CMYA5: variants seen among roughly 807,000 people sequenced by gnomAD.
CMYA5 encodes the protein cardiomyopathy-associated protein 5.
In CMYA5, 246 loss-of-function variants were observed where a neutral mutation model predicts 318.9. The observed-to-expected ratio is 0.77, with a 90% confidence interval of 0.70 to 0.86. The LOEUF is 0.86. CMYA5 is among the 40% of genes least tolerant of loss of function. CMYA5 has a pLI of 0.00. For synonymous variants in CMYA5, 1,641 were observed against 1,729.5 expected (o/e 0.95, Z 1.27); for missense variants, 4,589 against 4,678.2 (o/e 0.98, Z 0.56).
intron 1 of CMYA5, among the ~76,000 whole-genome samples, chr5:79,719,146 A>G (rs778834510): frequency 6.6e-6 from 1 of 152,176 alleles, no homozygotes; most frequent in Non-Finnish European, 1.5e-5. Flanking sequence ...AAACAAAGAT[A>G]TTGATGAAGA....
rs182795650 is a variant in CMYA5, at chr5:79,735,243, A to G, written c.6478A>G (p.Lys2160Glu). Reference sequence around the variant, plus strand: ...GACACAAAATCCACCTACACAACCAAAGGTGGCTAAGCCGGACCTTCCTGA... The same window carrying G: ...GACACAAAATCCACCTACACAACCAGAGGTGGCTAAGCCGGACCTTCCTGA... ...EVTQNPPTQP[K>E]VAKPDLPEEK... Residue 2160 changes from lysine (K) to glutamate (E), a missense_variant, in exon 2 of 13, where the codon AAG (lysine) becomes GAG (glutamate). Lys to Glu is a moderately conservative substitution (Grantham distance 56). Transcript: ENST00000446378. The G allele has an allele frequency of 9.7e-4, 1,573 of 1,613,722 alleles. 5 individuals carry two copies. In the Middle Eastern group the frequency reaches 0.011, roughly 11 times the overall value.
intron 5 of CMYA5, among the ~76,000 whole-genome samples, chr5:79,748,516 T>C (rs1393725277): frequency 7.9e-5 from 9 of 113,318 alleles, no homozygotes; most frequent in Admixed American, 4.0e-4. Context: ...TATCTATCTA[T>C]CTACCTATCT....
Position 79,736,625 on chromosome 5 carries a change from T to G in CMYA5, c.7860T>G (p.His2620Gln). ...REAKAVGTQPHPLEESKVLVE... is the reference protein window; with the variant it reads ...REAKAVGTQPQPLEESKVLVE... ...CAAAGGCAGTAGGAACCCAACCACA[T>G]CCTTTAGAAGAAAGTAAAGTTTTGG... The change falls in exon 2 of 13, where the codon CAT (histidine) becomes CAG (glutamine). Residue 2620 changes from histidine (H) to glutamine (Q), a missense_variant. His to Gln is a conservative substitution (Grantham distance 24). Transcript: ENST00000446378. The G allele has an allele frequency of 6.2e-7, 1 of 1,613,766 alleles. No homozygotes were observed. The highest frequency in any genetic ancestry group is 2.2e-5 in the East Asian group (1 of 44,878).
chr5:79,698,655 C>T (rs911198232), intron 1 of CMYA5, among the ~76,000 whole-genome samples: 6 of 152,238 alleles, frequency 3.9e-5, no homozygotes, highest in Non-Finnish European at 5.9e-5. Context: ...ACTGCCCTGC[C>T]ACATGGGCTT....
intron 1 of CMYA5, among the ~76,000 whole-genome samples, chr5:79,695,428 C>T (rs1197423471): frequency 6.6e-6 from 1 of 152,198 alleles, no homozygotes; most frequent in Non-Finnish European, 1.5e-5. Flanking sequence ...TTAGAGATAT[C>T]TTACATTATT....
At chr5:79,697,896 T>TG (rs780280066) in intron 1 of CMYA5, among the ~76,000 whole-genome samples, 21 of 152,204 alleles carry the variant, frequency 1.4e-4, no homozygotes, top group Admixed American at 2.6e-4. Flanking sequence ...ACTAGCATCT[T>TG]AGCAATATTA....
At position 79,730,596 on chromosome 5, in the gene CMYA5, C is replaced by T. The variant is rs373188852; in HGVS notation, c.1831C>T (p.Gln611Ter). Residue 611 changes from glutamine to a stop codon, truncating the protein, a stop_gained, in exon 2 of 13, where the codon CAA (glutamine) becomes TAA (stop). Coordinates refer to ENST00000446378, the MANE Select transcript of CMYA5 (RefSeq NM_153610.5). LOFTEE classifies it high-confidence loss of function. ...PQDLNHELQE[Q>*]EGEPVPPSNV... Reference sequence around the variant, plus strand: ...GGATTTGAACCATGAATTACAGGAGCAAGAAGGTGAGCCAGTTCCCCCATC... The same window carrying T: ...GGATTTGAACCATGAATTACAGGAGTAAGAAGGTGAGCCAGTTCCCCCATC... 16 of 1,613,904 alleles carry T rather than the reference C, an allele frequency of 9.9e-6. No homozygotes were observed. The highest frequency in any genetic ancestry group is 1.4e-5 in the Non-Finnish European group (16 of 1,179,894).
rs762447448 is a variant in CMYA5, at chr5:79,729,202, G to A, written c.437G>A (p.Arg146His). 8.1e-6 allele frequency: 13 copies of A among 1,612,792 alleles called. No homozygotes were observed. The highest frequency in any genetic ancestry group is 1.3e-5 in the African/African-American group (1 of 74,920). Residue 146 changes from arginine to histidine, a missense_variant, in exon 2 of 13, where the codon CGC (arginine) becomes CAC (histidine). By Grantham distance (29) the Arg-to-His change is conservative. Coordinates refer to ENST00000446378, the MANE Select transcript of CMYA5 (RefSeq NM_153610.5). ...TCAAAGCATGGTTCACCATCATTAC[G>A]CCGGAAAGGCAACAGAAAAAGAAAT... is the stretch of plus-strand genomic sequence containing the variant. ...HKSKHGSPSL[R>H]RKGNRKRNSF...
At chr5:79,772,734 TTAATG>T (rs1442042177) in intron 9 of CMYA5, among the ~76,000 whole-genome samples, 2 of 152,308 alleles carry the variant, frequency 1.3e-5, no homozygotes, top group East Asian at 3.9e-4. Context: ...CTTTGGTTCT[TTAATG>T]TAAGAGTTCA....
At chr5:79,742,989 A>G (rs535904768) in intron 2 of CMYA5, among the ~76,000 whole-genome samples, 8 of 152,122 alleles carry the variant, frequency 5.3e-5, no homozygotes, top group Non-Finnish European at 1.0e-4. Context: ...ATACCATATG[A>G]AGGCACACAG....
intron 9 of CMYA5, among the ~76,000 whole-genome samples, chr5:79,785,937 G>A (rs1206056161): frequency 2.0e-5 from 3 of 152,128 alleles, no homozygotes; most frequent in Non-Finnish European, 4.4e-5. Context: ...GAATAAAAGG[G>A]CCCAAGCTAG....
At chr5:79,770,016 T>A (rs1049674750) in intron 9 of CMYA5, among the ~76,000 whole-genome samples, 9 of 152,194 alleles carry the variant, frequency 5.9e-5, no homozygotes, top group African/African-American at 2.2e-4. Context: ...AGGAGGAATC[T>A]AGAGAGGCAG....
chr5:79,734,378 A>T lies in CMYA5; in HGVS notation c.5613A>T (p.Thr1871=), dbSNP rs1376096945. ...LPLEQSKSFM[T]TKPADVKETK... is the part of the protein sequence containing the mutation. ...TGGAACAATCAAAATCATTTATGAC[A>T]ACCAAGCCTGCGGATGTCAAAGAAA... Residue 1871 remains threonine, a synonymous_variant, in exon 2 of 13, where the codon ACA becomes ACT. Transcript: ENST00000446378. 6.2e-7 allele frequency: 1 copy of T among 1,613,814 alleles called. No homozygotes were observed. The highest frequency in any genetic ancestry group is 1.3e-5 in the African/African-American group (1 of 74,932).
chr5:79,752,451 G>A (rs1306212143), intron 5 of CMYA5, among the ~76,000 whole-genome samples: 1 of 152,142 alleles, frequency 6.6e-6, no homozygotes, highest in Admixed American at 6.5e-5. Context: ...TTTCTAACTA[G>A]AGGATATAGG....
chr5:79,743,791 G>T lies in CMYA5; in HGVS notation c.10639-36G>T. On this transcript the variant is annotated intron_variant, in intron 2 of 12. Transcript: ENST00000446378. Reference sequence around the variant, plus strand: ...ACTGGTTGAAGTTCTCTTCCTAAATGTCATATACTAAGGATATCTTAATTC... The same window carrying T: ...ACTGGTTGAAGTTCTCTTCCTAAATTTCATATACTAAGGATATCTTAATTC... 5 of 1,155,134 alleles carry T rather than the reference G, an allele frequency of 4.3e-6. No homozygotes were observed. The South Asian group carries it at 7.4e-5, about 17-fold the overall frequency. 71.6% of individuals were successfully genotyped at this position (1,155,134 alleles called of 1,614,324 possible).
chr5:79,750,301 G>A (rs1412205751), intron 5 of CMYA5, among the ~76,000 whole-genome samples: 3 of 145,882 alleles, frequency 2.1e-5, no homozygotes, highest in Admixed American at 1.4e-4. Flanking sequence ...CTTCCTTATG[G>A]TTTTCTGAGG....
Position 79,733,137 on chromosome 5 carries a change from T to G in CMYA5, c.4372T>G (p.Ser1458Ala), listed in dbSNP as rs758436507. The G allele has an allele frequency of 6.2e-7, 1 of 1,613,832 alleles. No homozygotes were observed. The highest frequency in any genetic ancestry group is 1.1e-5 in the South Asian group (1 of 91,070). Residue 1458 changes from serine (S) to alanine (A), a missense_variant, in exon 2 of 13, where the codon TCT becomes GCT. Around this residue, in one of 3 missense-constraint regions of CMYA5, gnomAD observed 2,132 missense variants for 2,131.3 expected, o/e 1.00. Transcript: ENST00000446378. Reference sequence around the variant, plus strand: ...AAGTGTCTCCTCTATAGCAGAGCATTCTGTTTTGTCAGAAGTAGAAGCCAA... The same window carrying G: ...AAGTGTCTCCTCTATAGCAGAGCATGCTGTTTTGTCAGAAGTAGAAGCCAA... ...LPSVSSIAEH[S>A]VLSEVEAKEV...
chr5:79,722,183 A>C (rs1231140193), intron 1 of CMYA5, among the ~76,000 whole-genome samples: 3 of 152,262 alleles, frequency 2.0e-5, no homozygotes, highest in Non-Finnish European at 4.4e-5. Context: ...ATGTATTTTG[A>C]AATTGCAAAA....
Position 79,732,482 on chromosome 5 carries a change from A to G in CMYA5, c.3717A>G (p.Lys1239=). Residue 1239 remains lysine (K), a synonymous_variant, in exon 2 of 13, where the codon AAA becomes AAG. Transcript: ENST00000446378. ...QPPNVPESEM[K]YSVLPDMVDE... ...CAAATGTTCCAGAGTCTGAGATGAA[A>G]TATTCAGTTTTGCCTGACATGGTAG... 4 of 1,613,270 alleles carry G rather than the reference A, an allele frequency of 2.5e-6. No individual in the cohort carries two copies. Among genetic ancestry groups the G allele is most frequent in the Non-Finnish European group, 3.4e-6 (4 of 1,179,594 alleles).
Sources: gnomAD v4.1 joint callset for allele counts (sites outside exome capture counted in the v4.1 genomes callset) on GRCh38, gnomAD v4.1.1 for gene constraint, gnomAD v4.1.1 regional missense constraint, MANE v1.5 for transcripts, NCBI Gene and HGNC (gene_info 2026-07-23, HGNC 2026-07-21) for gene names.